SCYL3: variants seen among roughly 807,000 people sequenced by gnomAD.
SCYL3 encodes SCY1 like pseudokinase 3, also known as protein-associating with the carboxyl-terminal domain of ezrin.
A neutral mutation model predicts 73.8 loss-of-function variants in SCYL3; 35 were observed. That is an observed-to-expected ratio of 0.47 (90% CI 0.36 to 0.63). SCYL3 has a LOEUF of 0.63. Among genes scored for constraint, SCYL3 ranks in the 20% least tolerant of loss-of-function variants. SCYL3 has a pLI of 0.00. For synonymous variants in SCYL3, 277 were observed against 295.2 expected (o/e 0.94, Z 0.63); for missense variants, 712 against 798.9 (o/e 0.89, Z 1.31).
At chr1:169,876,302 A>G (rs550259366) in intron 3 of SCYL3, among the ~76,000 whole-genome samples, 2 of 152,326 alleles carry the variant, frequency 1.3e-5, no homozygotes, top group East Asian at 3.9e-4. Context: ...AGTTAGATAA[A>G]AAGAAAAATG....
chr1:169,881,205 AC>A (rs1211546255), intron 2 of SCYL3, among the ~76,000 whole-genome samples: 3 of 152,242 alleles, frequency 2.0e-5, no homozygotes, highest in African/African-American at 7.2e-5. Flanking sequence ...GGCTGAAGAT[AC>A]CTACATTACA....
Position 169,852,808 on chromosome 1 carries a change from C to T in SCYL3, c.*905G>A, listed in dbSNP as rs371038958. 47 of 1,613,812 alleles carry T rather than the reference C, an allele frequency of 2.9e-5. No individual in the cohort carries two copies. The highest frequency in any genetic ancestry group is 3.4e-5 in the Non-Finnish European group (40 of 1,179,926). On this transcript the variant is annotated 3_prime_UTR_variant, in exon 13 of 13. Transcript: ENST00000367771. ...TTTCCAGCCTTATGCAAAAAGAGCT[C>T]GTCAGGAGTTCCCCTGGGAAGAAGA...
chr1:169,850,551 A>G lies in SCYL3; in HGVS notation c.*3162T>C, dbSNP rs904974805. ...GGCGGCTCATGCCTGTAATCCCAGCACTTTGGGAGGCCAAGGTGGGTGGAT... is the reference window on the plus strand; with the variant it reads ...GGCGGCTCATGCCTGTAATCCCAGCGCTTTGGGAGGCCAAGGTGGGTGGAT... On this transcript the variant is annotated 3_prime_UTR_variant, in exon 13 of 13. Coordinates refer to ENST00000367771, the MANE Select transcript of SCYL3 (RefSeq NM_020423.7). 4 of 436,642 alleles carry G rather than the reference A, an allele frequency of 9.2e-6. No homozygotes were observed. Among genetic ancestry groups the G allele is most frequent in the Non-Finnish European group, 1.7e-5 (4 of 239,580 alleles). 27.0% of individuals were successfully genotyped at this position (436,642 alleles called of 1,614,324 possible). A position where few individuals can be genotyped will look rare whatever the true frequency, so the allele number is the denominator to read the frequency against.
intron 12 of SCYL3, 166 bp from the exon 13 acceptor site, chr1:169,853,938 G>A (rs558400261): frequency 7.9e-5 from 60 of 759,466 alleles, no homozygotes; most frequent in South Asian, 6.2e-4. Flanking sequence ...TGAAAAGTAG[G>A]ATTACAAAAC....
intron 2 of SCYL3, 37 bp from the exon 3 acceptor site, chr1:169,878,856 C>A (rs1661046692): frequency 1.9e-6 from 3 of 1,549,048 alleles, no homozygotes; most frequent in Admixed American, 1.9e-5. Flanking sequence ...AAGTTAATGA[C>A]CCCAAACCAG....
At position 169,849,643 on chromosome 1, in the gene SCYL3, C is replaced by T; in HGVS notation, c.*4070G>A. 7.0e-7 allele frequency: 1 copy of T among 1,438,720 alleles called. No homozygotes were observed. The highest frequency in any genetic ancestry group is 2.3e-5 in the East Asian group (1 of 44,004). 89.1% of individuals were successfully genotyped at this position (1,438,720 alleles called of 1,614,324 possible). On this transcript the variant is annotated 3_prime_UTR_variant, in exon 13 of 13. Coordinates refer to ENST00000367771, the MANE Select transcript of SCYL3 (RefSeq NM_020423.7). Reference sequence around the variant, plus strand: ...TGATTTATCACAGTGACTTTCAAACCATTTTAATATTTCAAATATTCCAGA... The same window carrying T: ...TGATTTATCACAGTGACTTTCAAACTATTTTAATATTTCAAATATTCCAGA...
chr1:169,852,520 C>T lies in SCYL3; in HGVS notation c.*1193G>A. On this transcript the variant is annotated 3_prime_UTR_variant, in exon 13 of 13. Coordinates refer to ENST00000367771, the MANE Select transcript of SCYL3 (RefSeq NM_020423.7). Reference sequence around the variant, plus strand: ...ACATGTAAGCTTGGACTATGCAGCACTTCTCATTGGGAGCCCTTTGGGACA... The same window carrying T: ...ACATGTAAGCTTGGACTATGCAGCATTTCTCATTGGGAGCCCTTTGGGACA... 2.2e-6 allele frequency: 1 copy of T among 464,734 alleles called. No individual in the cohort carries two copies. Among genetic ancestry groups the T allele is most frequent in the South Asian group, 2.9e-5 (1 of 34,520 alleles). The allele number at this position is 464,734 out of a possible 1,614,324, so 28.8% of individuals were successfully genotyped here.
chr1:169,874,655 G>A (rs1660668526), intron 4 of SCYL3, among the ~76,000 whole-genome samples: 2 of 152,202 alleles, frequency 1.3e-5, no homozygotes, highest in African/African-American at 4.8e-5. Context: ...GCCAGGCTCG[G>A]TGGCTCATAT....
chr1:169,874,307 C>A (rs575206838), intron 4 of SCYL3, among the ~76,000 whole-genome samples: 1 of 152,132 alleles, frequency 6.6e-6, no homozygotes, highest in Non-Finnish European at 1.5e-5. Flanking sequence ...ACTAGGAATA[C>A]AAGATGAATG....
At chr1:169,891,420 T>G (rs537578326) in intron 1 of SCYL3, among the ~76,000 whole-genome samples, 4 of 152,308 alleles carry the variant, frequency 2.6e-5, no homozygotes, top group African/African-American at 9.6e-5. Context: ...TCAGGTAACT[T>G]GAATGGGTCT....
chr1:169,849,643 C>A lies in SCYL3; in HGVS notation c.*4070G>T. ...TGATTTATCACAGTGACTTTCAAACCATTTTAATATTTCAAATATTCCAGA... is the reference window on the plus strand; with the variant it reads ...TGATTTATCACAGTGACTTTCAAACAATTTTAATATTTCAAATATTCCAGA... On this transcript the variant is annotated 3_prime_UTR_variant, in exon 13 of 13. Coordinates refer to ENST00000367771, the MANE Select transcript of SCYL3 (RefSeq NM_020423.7). 1 of 1,438,716 alleles carries A rather than the reference C, an allele frequency of 7.0e-7. No homozygotes were observed. The highest frequency in any genetic ancestry group is 1.2e-5 in the South Asian group (1 of 85,886). 89.1% of individuals were successfully genotyped at this position (1,438,716 alleles called of 1,614,324 possible).
At chr1:169,880,129 A>T (rs1044416967) in intron 2 of SCYL3, among the ~76,000 whole-genome samples, 1 of 152,022 alleles carries the variant, frequency 6.6e-6, no homozygotes, top group African/African-American at 2.4e-5. Flanking sequence ...AAAGAAAAAA[A>T]AGAGACCAGA....
chr1:169,875,134 G>T (rs539185122), intron 4 of SCYL3, among the ~76,000 whole-genome samples: 1 of 152,190 alleles, frequency 6.6e-6, no homozygotes, highest in African/African-American at 2.4e-5. Context: ...CTTTGTGGTA[G>T]AACATCTGAA....
At position 169,854,631 on chromosome 1, in the gene SCYL3, G is replaced by C; in HGVS notation, c.1646C>G (p.Pro549Arg). Reference sequence around the variant, plus strand: ...CTCTTCAGTGAGTGAAAGCAAAGCAGGAATAGGCTTCTGCTCCCCTGAGGT... The same window carrying C: ...CTCTTCAGTGAGTGAAAGCAAAGCACGAATAGGCTTCTGCTCCCCTGAGGT... Reference protein sequence around the residue: ...PVTSGEQKPIPALLSLTEESM... With the variant: ...PVTSGEQKPIRALLSLTEESM... Residue 549 changes from proline (P) to arginine (R), a missense_variant, in exon 12 of 13, where the codon CCT (proline) becomes CGT (arginine). Pro to Arg is a moderately radical substitution (Grantham distance 103). This residue lies in a region of SCYL3 where 370 missense variants were observed against 350.8 expected (regional missense o/e 1.05). Coordinates refer to ENST00000367771, the MANE Select transcript of SCYL3 (RefSeq NM_020423.7). 6.2e-7 allele frequency: 1 copy of C among 1,614,064 alleles called. No homozygotes were observed. Among genetic ancestry groups the C allele is most frequent in the Non-Finnish European group, 8.5e-7 (1 of 1,179,982 alleles).
intron 2 of SCYL3, among the ~76,000 whole-genome samples, chr1:169,885,978 A>C (rs1180996385): frequency 1.3e-5 from 2 of 152,292 alleles, no homozygotes; most frequent in South Asian, 4.1e-4. Flanking sequence ...ACGTAAGAGC[A>C]CTGGATTCTG....
At chr1:169,886,549 G>A (rs1294414630) in intron 2 of SCYL3, among the ~76,000 whole-genome samples, 1 of 152,150 alleles carries the variant, frequency 6.6e-6, no homozygotes, top group Non-Finnish European at 1.5e-5. Flanking sequence ...AGAGTCCAAT[G>A]TGATTCCTGG....
At chr1:169,862,144 T>C (rs1395043770) in intron 10 of SCYL3, among the ~76,000 whole-genome samples, 5 of 152,362 alleles carry the variant, frequency 3.3e-5, no homozygotes, top group African/African-American at 1.2e-4. Flanking sequence ...TTGTGATAAT[T>C]TGTTATGGCA....
At chr1:169,870,515 T>C (rs571646012) in intron 5 of SCYL3, among the ~76,000 whole-genome samples, 158 bp from the exon 6 acceptor site, 3 of 152,360 alleles carry the variant, frequency 2.0e-5, no homozygotes, top group South Asian at 2.1e-4. Context: ...TATTAGTGAA[T>C]AGAATTTGTT....
At chr1:169,871,679 A>G (rs1289702990) in intron 5 of SCYL3, among the ~76,000 whole-genome samples, 2 of 152,182 alleles carry the variant, frequency 1.3e-5, no homozygotes, top group African/African-American at 4.8e-5. Context: ...GACTTGTTGA[A>G]TGGCTTTGAC....
Sources: allele counts gnomAD v4.1 joint callset (sites outside exome capture counted in the v4.1 genomes callset), GRCh38; gene constraint gnomAD v4.1.1; regional missense constraint gnomAD v4.1.1; transcripts MANE v1.5; gene names NCBI Gene and HGNC (gene_info 2026-07-23, HGNC 2026-07-21).